The following NOX4 variants were observed in gnomAD, a reference collection of about 807,000 sequenced individuals.
NOX4 encodes NADPH oxidase 4.
In NOX4, 69 loss-of-function variants were observed where a neutral mutation model predicts 87.6. The observed-to-expected ratio is 0.79, with a 90% confidence interval of 0.65 to 0.96. The LOEUF (loss-of-function observed/expected upper bound fraction) is 0.96. Ranked by LOEUF, NOX4 falls within the 40% of genes least tolerant of loss-of-function variation. NOX4 has a pLI of 0.00. For missense variants in NOX4, 680 were observed against 681.5 expected (o/e 1.00, Z 0.02); for synonymous variants, 275 against 238.2 (o/e 1.15, Z -1.42).
chr11:89,571,154 T>G, the NOX4 span, among the ~76,000 whole-genome samples: 3 of 152,250 alleles, frequency 2.0e-5, no homozygotes, highest in African/African-American at 7.2e-5. Flanking sequence ...CTAAGGATGT[T>G]AAGCATCATT....
intron 2 of NOX4, among the ~76,000 whole-genome samples, chr11:89,464,059 T>A (rs1032295458): frequency 1.3e-5 from 2 of 152,054 alleles, no homozygotes; most frequent in Non-Finnish European, 2.9e-5. Flanking sequence ...AATTCAGGAA[T>A]TAAGAGATAC....
In NOX4 at chr11:89,443,318, T is replaced by C. The variant is rs545239798; in HGVS notation, c.447+817A>G. 2.0e-5 allele frequency: 3 copies of C among 151,578 alleles called. 1 individual carries two copies. Among genetic ancestry groups the C allele is most frequent in the Admixed American group, 2.0e-4 (3 of 15,164 alleles). 9.4% of individuals were successfully genotyped at this position (151,578 alleles called of 1,614,324 possible). ...TTAAACCTAGAAAACTCTGGTGATA[T>C]GTGGAGGGGAAAAAGGAGTGGGGAA... On this transcript the variant is annotated intron_variant, in intron 5 of 17. Coordinates refer to ENST00000263317, the MANE Select transcript of NOX4 (RefSeq NM_016931.5).
At chr11:89,363,531 T>C (rs1238053490) in intron 12 of NOX4, among the ~76,000 whole-genome samples, 1 of 152,018 alleles carries the variant, frequency 6.6e-6, no homozygotes, top group African/African-American at 2.4e-5. Context: ...TATAGCTACT[T>C]GAAAAGAATT....
chr11:89,372,169 C>T (rs1028317638), intron 12 of NOX4, among the ~76,000 whole-genome samples: 3 of 151,614 alleles, frequency 2.0e-5, no homozygotes, highest in African/African-American at 7.3e-5. Flanking sequence ...CTTCCAATTT[C>T]CATCCCCACC....
At chr11:89,565,343 C>T in the NOX4 span, among the ~76,000 whole-genome samples, 1 of 151,940 alleles carries the variant, frequency 6.6e-6, no homozygotes, top group Non-Finnish European at 1.5e-5. Context: ...GATGTATTAC[C>T]TTGCACCAAC....
At chr11:89,588,412 A>G in the NOX4 span, among the ~76,000 whole-genome samples, 1 of 152,208 alleles carries the variant, frequency 6.6e-6, no homozygotes, top group Non-Finnish European at 1.5e-5. Flanking sequence ...TTAGACTGAA[A>G]TTGTTTCCTA....
intron 2 of NOX4, among the ~76,000 whole-genome samples, chr11:89,485,170 G>GTT (rs1271325907): frequency 8.5e-5 from 13 of 152,164 alleles, no homozygotes; most frequent in African/African-American, 2.9e-4. Flanking sequence ...GATAATGATT[G>GTT]ACTAAAGAAA....
the NOX4 span, among the ~76,000 whole-genome samples, chr11:89,514,046 C>T: frequency 4.0e-5 from 6 of 151,842 alleles, no homozygotes; most frequent in African/African-American, 7.3e-5. Context: ...TATAAATTAC[C>T]CAGTATATGA....
chr11:89,452,572 A>G (rs182015994), intron 2 of NOX4, among the ~76,000 whole-genome samples: 86 of 152,156 alleles, frequency 5.7e-4, no homozygotes, highest in Middle Eastern at 3.4e-3. Context: ...TTTTTAATTG[A>G]CAAATAATAA....
intron 2 of NOX4, among the ~76,000 whole-genome samples, chr11:89,483,641 T>A (rs1008464824): frequency 6.9e-6 from 1 of 144,226 alleles, no homozygotes; most frequent in Non-Finnish European, 1.5e-5. Context: ...ATTCAAAGGA[T>A]ACAAAATTTC....
chr11:89,477,158 C>T (rs1946199533), intron 2 of NOX4, among the ~76,000 whole-genome samples: 1 of 152,054 alleles, frequency 6.6e-6, no homozygotes, highest in Admixed American at 6.6e-5. Flanking sequence ...AATAATTATA[C>T]AACTCACCAC....
chr11:89,429,215 T>C (rs1285812591), intron 7 of NOX4, among the ~76,000 whole-genome samples: 2 of 152,170 alleles, frequency 1.3e-5, no homozygotes, highest in African/African-American at 4.8e-5. Context: ...AAGCAGTGTG[T>C]AGAGGAAAAT....
At chr11:89,570,384 AC>A in the NOX4 span, among the ~76,000 whole-genome samples, 1 of 152,084 alleles carries the variant, frequency 6.6e-6, no homozygotes, top group African/African-American at 2.4e-5. Context: ...GTGAAAAACC[AC>A]CTCTCAGGTA....
chr11:89,362,095 TC>T (rs1310377668), intron 12 of NOX4, among the ~76,000 whole-genome samples: 1 of 151,828 alleles, frequency 6.6e-6, no homozygotes, highest in East Asian at 1.9e-4. Context: ...AATTCTTCCT[TC>T]CCCCAAACCC....
At position 89,326,485 on chromosome 11, in the gene NOX4, C is replaced by G; in HGVS notation, c.*271G>C. On this transcript the variant is annotated 3_prime_UTR_variant, in exon 18 of 18. Coordinates refer to ENST00000263317, the MANE Select transcript of NOX4 (RefSeq NM_016931.5). Reference sequence around the variant, plus strand: ...GAGTTCTTGAATCCACCATGAAAATCAACAGTGTGCATCTAACAGTTTTCT... The same window carrying G: ...GAGTTCTTGAATCCACCATGAAAATGAACAGTGTGCATCTAACAGTTTTCT... The G allele has an allele frequency of 4.3e-6, 1 of 234,488 alleles. No individual in the cohort carries two copies. 14.5% of individuals were successfully genotyped at this position (234,488 alleles called of 1,614,324 possible).
chr11:89,543,261 T>G, the NOX4 span, among the ~76,000 whole-genome samples: 5 of 152,236 alleles, frequency 3.3e-5, no homozygotes, highest in East Asian at 9.6e-4. Flanking sequence ...TGTCAAGAAT[T>G]GACAAGATGG....
At chr11:89,442,470 T>C (rs1944500457) in intron 5 of NOX4, among the ~76,000 whole-genome samples, 1 of 152,092 alleles carries the variant, frequency 6.6e-6, no homozygotes, top group Non-Finnish European at 1.5e-5. Flanking sequence ...AGAATCAATC[T>C]AAATGTCTGA....
At chr11:89,550,870 G>A in the NOX4 span, among the ~76,000 whole-genome samples, 117 of 151,498 alleles carry the variant, frequency 7.7e-4, no homozygotes, top group Middle Eastern at 6.8e-3. Flanking sequence ...CTTTGCCCAT[G>A]CCCATGGTAT....
intron 13 of NOX4, among the ~76,000 whole-genome samples, chr11:89,349,968 A>G (rs1946387993): frequency 3.3e-5 from 5 of 152,200 alleles, no homozygotes. Context: ...TTTATTAGCA[A>G]TAAAACTTGT....
Sources: allele counts gnomAD v4.1 joint callset (sites outside exome capture counted in the v4.1 genomes callset), GRCh38; gene constraint gnomAD v4.1.1; transcripts MANE v1.5; gene names NCBI Gene and HGNC (gene_info 2026-07-23, HGNC 2026-07-21).